SGCD: variants seen among roughly 807,000 people sequenced by gnomAD.
The protein encoded by SGCD is delta-sarcoglycan.
A neutral mutation model predicts 36.6 loss-of-function variants in SGCD; 18 were observed. The ratio of observed to expected loss-of-function variants is 0.49; its 90% confidence interval spans 0.34 to 0.73. The LOEUF (loss-of-function observed/expected upper bound fraction) is 0.73, where lower values mean the gene tolerates loss of function less well. Ranked by LOEUF, SGCD falls within the 30% of genes least tolerant of loss-of-function variation. The probability of loss-of-function intolerance (pLI) is 0.01; values close to 1 mark genes in which losing one functional copy is unlikely to be tolerated. For synonymous variants in SGCD, 133 were observed against 130.6 expected (o/e 1.02, Z -0.12); for missense variants, 387 against 346.7 (o/e 1.12, Z -0.92).
At chr5:155,836,515 C>T in the SGCD span, among the ~76,000 whole-genome samples, 3 of 125,388 alleles carry the variant, frequency 2.4e-5, no homozygotes, top group Admixed American at 2.9e-4. Flanking sequence ...CAAGTTTTAT[C>T]ATACCTTGAT....
chr5:156,413,344 A>T (rs1329714901), intron 3 of SGCD, among the ~76,000 whole-genome samples: 1 of 152,246 alleles, frequency 6.6e-6, no homozygotes, highest in African/African-American at 2.4e-5. Context: ...CATAGGTGAC[A>T]TGTCAACTTA....
intron 6 of SGCD, among the ~76,000 whole-genome samples, chr5:156,604,990 A>G (rs565221277): frequency 1.7e-4 from 26 of 151,908 alleles, no homozygotes; most frequent in Middle Eastern, 6.9e-3. Context: ...GTACCATTGT[A>G]GCAATGGGGT....
intron 3 of SGCD, among the ~76,000 whole-genome samples, chr5:156,180,408 A>G (rs1378297266): frequency 2.0e-5 from 3 of 151,356 alleles, no homozygotes; most frequent in Admixed American, 6.6e-5. Context: ...ACTCAAAAAA[A>G]TAAACAAATT....
intron 7 of SGCD, among the ~76,000 whole-genome samples, chr5:156,741,191 G>T (rs1447570495): frequency 2.0e-5 from 3 of 152,180 alleles, no homozygotes; most frequent in Non-Finnish European, 4.4e-5. Context: ...GCTTGTCTAG[G>T]TTTGGAAGTG....
chr5:156,236,616 AT>A (rs1277556839), intron 3 of SGCD, among the ~76,000 whole-genome samples: 1 of 151,300 alleles, frequency 6.6e-6, no homozygotes, highest in Non-Finnish European at 1.5e-5. Context: ...CGCCCAGCTA[AT>A]TTTTGTATTT....
chr5:156,211,861 C>A (rs1462572040), intron 3 of SGCD, among the ~76,000 whole-genome samples: 1 of 151,848 alleles, frequency 6.6e-6, no homozygotes, highest in Non-Finnish European at 1.5e-5. Flanking sequence ...ACACCGAAAA[C>A]AAAATGTAGG....
intron 1 of SGCD, among the ~76,000 whole-genome samples, chr5:155,974,948 C>G (rs183967591): frequency 3.7e-4 from 56 of 152,226 alleles, no homozygotes; most frequent in African/African-American, 1.3e-3. Flanking sequence ...TCTCCCAAGT[C>G]TATTTTCTGT....
At chr5:156,268,791 T>C (rs537099714) in intron 3 of SGCD, among the ~76,000 whole-genome samples, 25 of 152,166 alleles carry the variant, frequency 1.6e-4, no homozygotes, top group African/African-American at 6.0e-4. Flanking sequence ...ATAGGGTTTC[T>C]TCATATTGAT....
At chr5:155,866,773 G>A (rs1028973378), upstream of SGCD, among the ~76,000 whole-genome samples, 46 of 152,094 alleles carry the variant, frequency 3.0e-4, no homozygotes, top group African/African-American at 1.1e-3. Flanking sequence ...GAAAAAGACA[G>A]GACTCTAACT....
chr5:156,734,845 A>G (rs535408117), intron 7 of SGCD, among the ~76,000 whole-genome samples: 9 of 152,320 alleles, frequency 5.9e-5, no homozygotes, highest in South Asian at 2.1e-4. Flanking sequence ...GTTCTGATCC[A>G]TATTCTGAAT....
chr5:155,946,350 T>C (rs941105904), intron 1 of SGCD, among the ~76,000 whole-genome samples: 17 of 152,198 alleles, frequency 1.1e-4, no homozygotes, highest in Admixed American at 6.5e-5. Context: ...TGGCCCAAAG[T>C]AATATAGCTA....
chr5:156,575,666 T>C (rs1366397096), intron 4 of SGCD, among the ~76,000 whole-genome samples: 1 of 152,158 alleles, frequency 6.6e-6, no homozygotes, highest in Non-Finnish European at 1.5e-5. Flanking sequence ...AGATAAACCA[T>C]AGATAGCTAA....
chr5:156,517,026 G>A (rs1018228439), intron 4 of SGCD, among the ~76,000 whole-genome samples: 3 of 151,996 alleles, frequency 2.0e-5, no homozygotes, highest in Non-Finnish European at 4.4e-5. Flanking sequence ...CAAAACAGGT[G>A]GGTAATAACG....
chr5:155,738,170 A>G, the SGCD span, among the ~76,000 whole-genome samples: 1 of 152,198 alleles, frequency 6.6e-6, no homozygotes, highest in Non-Finnish European at 1.5e-5. Context: ...CCAATGTATG[A>G]ACAACCCTTT....
At chr5:156,164,048 A>G (rs1019524718) in intron 3 of SGCD, among the ~76,000 whole-genome samples, 1 of 149,700 alleles carries the variant, frequency 6.7e-6, no homozygotes, top group South Asian at 2.1e-4. Context: ...AAAAGAAATC[A>G]TTTTCATTTT....
the SGCD span, among the ~76,000 whole-genome samples, chr5:155,848,418 C>T: frequency 2.6e-5 from 4 of 152,102 alleles, no homozygotes; most frequent in South Asian, 6.2e-4. Context: ...GGGCAGAAAG[C>T]GTGGGCAGAA....
At chr5:156,673,597 C>G (rs1753393429) in intron 7 of SGCD, among the ~76,000 whole-genome samples, 1 of 152,136 alleles carries the variant, frequency 6.6e-6, no homozygotes, top group East Asian at 1.9e-4. Flanking sequence ...TGCCTGGCAT[C>G]TGGGCTCAAA....
intron 3 of SGCD, among the ~76,000 whole-genome samples, chr5:156,234,283 C>A (rs754331081): frequency 5.9e-5 from 9 of 152,034 alleles, no homozygotes; most frequent in Non-Finnish European, 8.8e-5. Flanking sequence ...GGATACCAGA[C>A]CTTTATCAAA....
chr5:156,170,491 G>C (rs959631970), intron 3 of SGCD, among the ~76,000 whole-genome samples: 12 of 152,156 alleles, frequency 7.9e-5, no homozygotes, highest in Admixed American at 3.9e-4. Context: ...TATACCAGGG[G>C]TGAAAGAATG....
Sources: allele counts gnomAD v4.1 joint callset (sites outside exome capture counted in the v4.1 genomes callset), GRCh38; gene constraint gnomAD v4.1.1; transcripts MANE v1.5; gene names NCBI Gene and HGNC (gene_info 2026-07-23, HGNC 2026-07-21).